ATG10: variants seen among roughly 807,000 people sequenced by gnomAD.
ATG10 encodes the protein autophagy related 10.
ATG10 carries 30 observed loss-of-function variants against 32.1 expected under a neutral mutation model. The observed-to-expected ratio is 0.94, with a 90% CI of 0.70 to 1.27. The LOEUF is 1.27. Among genes scored for constraint, ATG10 ranks in the 50% most tolerant of loss-of-function variants. ATG10 has a pLI of 0.00. For synonymous variants in ATG10, 87 were observed against 91.5 expected, an observed-to-expected ratio of 0.95 and a Z score of 0.28; for missense variants, 233 against 262.3, an observed-to-expected ratio of 0.89 and a Z score of 0.77.
At chr5:82,066,131 C>T (rs914698519) in intron 3 of ATG10, among the ~76,000 whole-genome samples, 7 of 152,032 alleles carry the variant, frequency 4.6e-5, no homozygotes, top group Admixed American at 2.6e-4. Context: ...CTATGTAACT[C>T]GTGTTCTAGC....
intron 5 of ATG10, among the ~76,000 whole-genome samples, chr5:82,215,806 C>T (rs1311394117): frequency 6.6e-6 from 1 of 151,864 alleles, no homozygotes; most frequent in Non-Finnish European, 1.5e-5. Flanking sequence ...GGCATGGTGG[C>T]AGGCGCCTAT....
At chr5:82,234,954 G>T (rs1746498422) in intron 5 of ATG10, among the ~76,000 whole-genome samples, 6 of 152,158 alleles carry the variant, frequency 3.9e-5, no homozygotes, top group Admixed American at 3.9e-4. Context: ...GTAATTTGTA[G>T]CCCATAGTAT....
intron 3 of ATG10, among the ~76,000 whole-genome samples, chr5:82,111,016 G>C (rs191667437): frequency 0.011 from 1,624 of 151,998 alleles, 13 homozygotes; most frequent in Non-Finnish European, 0.015. Context: ...AAATTAACAA[G>C]TTTAGAGTTA....
chr5:82,007,636 T>G (rs1400527042), intron 2 of ATG10, among the ~76,000 whole-genome samples: 1 of 152,148 alleles, frequency 6.6e-6, no homozygotes, highest in Non-Finnish European at 1.5e-5. Flanking sequence ...AATTTTTTTG[T>G]AGAGATGAGG....
intron 5 of ATG10, among the ~76,000 whole-genome samples, chr5:82,187,609 G>A (rs141620076): frequency 8.4e-4 from 126 of 149,926 alleles, no homozygotes; most frequent in African/African-American, 3.0e-3. Context: ...ACTGTGTTTC[G>A]CTCTTGTTGC....
intron 5 of ATG10, among the ~76,000 whole-genome samples, chr5:82,210,790 A>AG (rs559456969): frequency 6.1e-4 from 93 of 152,296 alleles, no homozygotes; most frequent in Admixed American, 3.4e-3. Flanking sequence ...TCTACTAAAG[A>AG]GGGCTGCAAG....
chr5:82,070,473 A>G (rs1216503892), intron 3 of ATG10, among the ~76,000 whole-genome samples: 1 of 152,116 alleles, frequency 6.6e-6, no homozygotes, highest in African/African-American at 2.4e-5. Context: ...AAAGAAGGGG[A>G]AAAATATCAA....
intron 3 of ATG10, among the ~76,000 whole-genome samples, chr5:82,161,218 A>C (rs1743325808): frequency 2.0e-5 from 3 of 152,198 alleles, no homozygotes; most frequent in Admixed American, 2.0e-4. Flanking sequence ...AAGCATGCAG[A>C]AATGTCACTG....
chr5:82,096,914 A>T (rs1765086354), intron 3 of ATG10, among the ~76,000 whole-genome samples: 2 of 152,118 alleles, frequency 1.3e-5, no homozygotes, highest in African/African-American at 2.4e-5. Flanking sequence ...CTTTCATATT[A>T]TTATATTTAT....
At chr5:82,133,935 C>G (rs1268519989) in intron 3 of ATG10, among the ~76,000 whole-genome samples, 2 of 150,978 alleles carry the variant, frequency 1.3e-5, no homozygotes, top group Non-Finnish European at 3.0e-5. Context: ...AGGTCCTTCA[C>G]ATCCTTTGTA....
chr5:82,245,948 G>A (rs925965726), intron 5 of ATG10, among the ~76,000 whole-genome samples: 6 of 152,096 alleles, frequency 3.9e-5, no homozygotes, highest in Non-Finnish European at 2.9e-5. Flanking sequence ...CTAGAAGAGT[G>A]CTCATGATTA....
chr5:82,108,636 T>C (rs1157304390), intron 3 of ATG10, among the ~76,000 whole-genome samples: 2 of 152,216 alleles, frequency 1.3e-5, no homozygotes, highest in Admixed American at 1.3e-4. Context: ...TGTTTGAGTC[T>C]AAGCCTGATA....
At chr5:82,120,077 G>A (rs1056243546) in intron 3 of ATG10, among the ~76,000 whole-genome samples, 1 of 151,710 alleles carries the variant, frequency 6.6e-6, no homozygotes, top group African/African-American at 2.4e-5. Flanking sequence ...AAATTGGAAG[G>A]GTTGCTACTC....
intron 1 of ATG10, among the ~76,000 whole-genome samples, chr5:81,979,440 A>G (rs1216960102): frequency 6.6e-6 from 1 of 152,094 alleles, no homozygotes; most frequent in African/African-American, 2.4e-5. Context: ...AGGCAGGAGA[A>G]TGGCGTGAAC....
At chr5:82,005,539 C>T (rs935516529) in intron 2 of ATG10, among the ~76,000 whole-genome samples, 2 of 152,222 alleles carry the variant, frequency 1.3e-5, no homozygotes, top group African/African-American at 4.8e-5. Context: ...GGGTGATCCG[C>T]CTGCCTGTGC....
chr5:82,196,823 C>T (rs1744867864), intron 5 of ATG10, among the ~76,000 whole-genome samples: 1 of 152,124 alleles, frequency 6.6e-6, no homozygotes, highest in Non-Finnish European at 1.5e-5. Flanking sequence ...AATTGGGAAA[C>T]GTAAGCCCAC....
intron 4 of ATG10, among the ~76,000 whole-genome samples, chr5:82,165,611 A>G (rs779991738): frequency 1.1e-4 from 16 of 152,238 alleles, no homozygotes; most frequent in Non-Finnish European, 2.2e-4. Flanking sequence ...AACATGGGAC[A>G]TGGGGAATGG....
At chr5:82,206,035 AAG>A (rs1336399392) in intron 5 of ATG10, among the ~76,000 whole-genome samples, 3 of 152,226 alleles carry the variant, frequency 2.0e-5, no homozygotes, top group Non-Finnish European at 2.9e-5. Flanking sequence ...ATAGTTGACT[AAG>A]AGATCTGAAG....
intron 5 of ATG10, among the ~76,000 whole-genome samples, chr5:82,224,847 G>T (rs949444420): frequency 1.3e-5 from 2 of 152,162 alleles, no homozygotes; most frequent in African/African-American, 2.4e-5. Context: ...TTGAAGTAAG[G>T]ATGATATTCC....
Sources: gnomAD v4.1 joint callset for allele counts (sites outside exome capture counted in the v4.1 genomes callset) on GRCh38, gnomAD v4.1.1 for gene constraint, MANE v1.5 for transcripts, NCBI Gene and HGNC (gene_info 2026-07-23, HGNC 2026-07-21) for gene names.